Variants in ZNF451 observed in about 807,000 individuals in gnomAD.
ZNF451 encodes zinc finger protein 451, also known as E3 SUMO-protein ligase ZNF451.
A neutral mutation model predicts 107.1 loss-of-function variants in ZNF451; 80 were observed. That is an observed-to-expected ratio of 0.75 (90% CI 0.62 to 0.90). ZNF451 has a LOEUF of 0.90. Ranked by LOEUF, ZNF451 falls within the 40% of genes least tolerant of loss-of-function variation. The pLI, the probability that ZNF451 is intolerant of heterozygous loss-of-function variation, is 0.00. For missense variants in ZNF451, 1,107 were observed against 1,236.2 expected, an observed-to-expected ratio of 0.90 and a Z score of 1.57; for synonymous variants, 362 against 406.5, an observed-to-expected ratio of 0.89 and a Z score of 1.32.
chr6:57,158,862 GCAGT>G (rs1197957262), intron 13 of ZNF451: 2 of 985,302 alleles, frequency 2.0e-6, no homozygotes, highest in African/African-American at 3.5e-5. Flanking sequence ...TGGGTTAGAA[GCAGT>G]AAGTAGGGTT....
intron 13 of ZNF451, chr6:57,154,398 T>A (rs1763298769): frequency 2.4e-6 from 1 of 419,152 alleles, no homozygotes. Flanking sequence ...TGACCTTCAG[T>A]TTTTTAGAAA....
At chr6:57,128,317 T>C (rs1020923551) in intron 4 of ZNF451, among the ~76,000 whole-genome samples, 1 of 152,180 alleles carries the variant, frequency 6.6e-6, no homozygotes, top group Non-Finnish European at 1.5e-5. Context: ...GGCTTTTTTT[T>C]CCTCTGCAGA....
intron 4 of ZNF451, among the ~76,000 whole-genome samples, chr6:57,125,561 T>C (rs1359041671): frequency 6.6e-6 from 1 of 152,152 alleles, no homozygotes; most frequent in Admixed American, 6.5e-5. Context: ...ACTAGTTTTA[T>C]AGACTTTGGG....
At chr6:57,102,603 CTT>C in intron 3 of ZNF451, 1 of 986,408 alleles carries the variant, frequency 1.0e-6, no homozygotes, top group Non-Finnish European at 1.2e-6. Flanking sequence ...GTTAAAATGT[CTT>C]TATGTCAAGA....
At chr6:57,112,323 A>C (rs981978340) in intron 3 of ZNF451, among the ~76,000 whole-genome samples, 2 of 152,126 alleles carry the variant, frequency 1.3e-5, no homozygotes, top group East Asian at 1.9e-4. Flanking sequence ...GTTCAAACCA[A>C]ATGCGCTAGT....
At chr6:57,130,478 A>T (rs1284080338) in intron 5 of ZNF451, among the ~76,000 whole-genome samples, 1 of 152,162 alleles carries the variant, frequency 6.6e-6, no homozygotes, top group African/African-American at 2.4e-5. Flanking sequence ...ATCTCCAGAG[A>T]TTCTTCTAGG....
At chr6:57,105,458 G>T in intron 3 of ZNF451, 2 of 985,264 alleles carry the variant, frequency 2.0e-6, no homozygotes, top group Non-Finnish European at 2.4e-6. Flanking sequence ...TGGTATTTAT[G>T]TGAATTTTGT....
At chr6:57,159,166 G>T (rs944589223) in intron 13 of ZNF451, 1 of 985,108 alleles carries the variant, frequency 1.0e-6, no homozygotes, top group East Asian at 1.1e-4. Context: ...GAATATTTAC[G>T]ATTTTCTCTG....
At chr6:57,142,968 T>C (rs987383663) in intron 9 of ZNF451, among the ~76,000 whole-genome samples, 1 of 152,196 alleles carries the variant, frequency 6.6e-6, no homozygotes, top group Admixed American at 6.5e-5. Context: ...ATGGGCTATT[T>C]GTTTATCTTT....
At chr6:57,099,860 C>T (rs973570684) in intron 3 of ZNF451, among the ~76,000 whole-genome samples, 1 of 152,216 alleles carries the variant, frequency 6.6e-6, no homozygotes, top group Non-Finnish European at 1.5e-5. Flanking sequence ...ACTTCTTGCT[C>T]TGTGATATAG....
chr6:57,160,839 A>T, intron 13 of ZNF451: 1 of 345,310 alleles, frequency 2.9e-6, no homozygotes, highest in Non-Finnish European at 5.3e-6. Context: ...GGCATTGTTA[A>T]TGAAAACCTA....
At chr6:57,134,674 G>A (rs1831344495) in intron 6 of ZNF451, 70 bp from the exon 7 acceptor site, 2 of 1,438,980 alleles carry the variant, frequency 1.4e-6, no homozygotes, top group Non-Finnish European at 9.5e-7. Flanking sequence ...CTTCACAAAT[G>A]AAGCGACATA....
chr6:57,109,488 C>T (rs1830017533), intron 3 of ZNF451: 1 of 985,424 alleles, frequency 1.0e-6, no homozygotes. Flanking sequence ...TGACAACACA[C>T]TAAAGCCTGA....
intron 3 of ZNF451, among the ~76,000 whole-genome samples, chr6:57,120,923 C>T (rs1265506531): frequency 2.6e-5 from 4 of 151,946 alleles, no homozygotes; most frequent in Admixed American, 6.6e-5. Flanking sequence ...TTTCAAGGAC[C>T]GTGCTTTGCT....
intron 3 of ZNF451, among the ~76,000 whole-genome samples, chr6:57,122,185 C>G (rs575367294): frequency 2.6e-5 from 4 of 152,214 alleles, no homozygotes; most frequent in Admixed American, 6.5e-5. Context: ...TGACCATATT[C>G]AGAAGTGTAA....
intron 7 of ZNF451, among the ~76,000 whole-genome samples, chr6:57,139,917 C>T (rs1265191409): frequency 6.6e-6 from 1 of 152,010 alleles, no homozygotes; most frequent in Admixed American, 6.6e-5. Context: ...TTGGTGTATG[C>T]CTGTGGTCCC....
At position 57,133,103 on chromosome 6, in the gene ZNF451, G is replaced by T; in HGVS notation, c.486G>T (p.Thr162=). 6.2e-7 allele frequency: 1 copy of T among 1,614,154 alleles called. No individual in the cohort carries two copies. Among genetic ancestry groups the T allele is most frequent in the Non-Finnish European group, 8.5e-7 (1 of 1,179,998 alleles). The change falls in exon 6 of 15, where the codon ACG becomes ACT. Residue 162 remains threonine, a synonymous_variant. Transcript: ENST00000370706. Reference sequence around the variant, plus strand: ...GTTCATTCCGAAGAGGAGGCCACACGTGGGTGTCTGGGAAACCAATTTTAT... The same window carrying T: ...GTTCATTCCGAAGAGGAGGCCACACTTGGGTGTCTGGGAAACCAATTTTAT... ...TKSSFRRGGH[T]WVSGKPILCP...
At chr6:57,112,691 G>T (rs1562598332) in intron 3 of ZNF451, among the ~76,000 whole-genome samples, 1 of 152,178 alleles carries the variant, frequency 6.6e-6, no homozygotes, top group Non-Finnish European at 1.5e-5. Context: ...TGTTCTTGCA[G>T]AGTGCTTTCT....
intron 3 of ZNF451, 149 bp downstream of exon 3, chr6:57,099,290 G>C (rs1400588844): frequency 1.5e-6 from 1 of 661,066 alleles, no homozygotes; most frequent in Non-Finnish European, 2.7e-6. Flanking sequence ...GGAGTCCTTT[G>C]CCCAGATCTC....
Sources: allele counts gnomAD v4.1 joint callset (sites outside exome capture counted in the v4.1 genomes callset), GRCh38; gene constraint gnomAD v4.1.1; transcripts MANE v1.5; gene names NCBI Gene and HGNC (gene_info 2026-07-23, HGNC 2026-07-21).